Variants in ACER1 observed in about 807,000 individuals in gnomAD.
The protein encoded by ACER1 is alkaline ceramidase 1, also known as CTB-180A7.3.
Under a neutral mutation model 24.9 loss-of-function variants are expected in ACER1, and 28 were observed. The observed-to-expected ratio is 1.13, with a 90% CI of 0.83 to 1.54. The LOEUF (loss-of-function observed/expected upper bound fraction) is 1.54. ACER1 is among the 40% of genes most tolerant of loss of function. The pLI is 0.00. For missense variants in ACER1, 352 were observed against 349.3 expected (o/e 1.01, Z -0.06); for synonymous variants, 132 against 131.4 (o/e 1.00, Z -0.03).
At chr19:6,354,153 G>A in the ACER1 span, among the ~76,000 whole-genome samples, 2 of 151,788 alleles carry the variant, frequency 1.3e-5, no homozygotes, top group Admixed American at 1.3e-4. Flanking sequence ...CTGCACCCCA[G>A]CCTGGACAAC....
chr19:6,350,294 C>T, the ACER1 span, among the ~76,000 whole-genome samples: 1 of 152,018 alleles, frequency 6.6e-6, no homozygotes, highest in South Asian at 2.1e-4. Context: ...GGTGAAACCC[C>T]GTCTCAACTA....
chr19:6,345,181 C>G, the ACER1 span, among the ~76,000 whole-genome samples: 3 of 152,064 alleles, frequency 2.0e-5, no homozygotes, highest in South Asian at 6.2e-4. Context: ...AGGCGTGAGC[C>G]ACCGTGCCCG....
chr19:6,358,263 C>G, the ACER1 span, among the ~76,000 whole-genome samples: 1 of 152,214 alleles, frequency 6.6e-6, no homozygotes, highest in Admixed American at 6.5e-5. Context: ...TGCCGGCTTT[C>G]CACCGTGAGG....
the ACER1 span, among the ~76,000 whole-genome samples, chr19:6,357,976 G>A: frequency 6.6e-6 from 1 of 152,172 alleles, no homozygotes; most frequent in Non-Finnish European, 1.5e-5. Flanking sequence ...GCCATCCCAC[G>A]TCAGAGGCAG....
At chr19:6,335,569 G>A (rs918080060), upstream of ACER1, among the ~76,000 whole-genome samples, 3 of 151,922 alleles carry the variant, frequency 2.0e-5, no homozygotes, top group South Asian at 2.1e-4. Flanking sequence ...TGTGGCTCAC[G>A]CCTGTAATCC....
chr19:6,337,968 C>T (rs565132830), upstream of ACER1, among the ~76,000 whole-genome samples: 9 of 151,608 alleles, frequency 5.9e-5, no homozygotes, highest in African/African-American at 1.2e-4. Context: ...TGAGCCACCG[C>T]GCCCAGCCCC....
At position 6,306,605 on chromosome 19, in the gene ACER1, C is replaced by G. The variant is rs556927753; in HGVS notation, c.*109G>C. 9.3e-5 allele frequency: 125 copies of G among 1,338,780 alleles called. No homozygotes were observed. The African/African-American group carries it at 1.6e-3, about 18-fold the overall frequency. 82.9% of individuals were successfully genotyped at this position (1,338,780 alleles called of 1,614,324 possible). A position where few individuals can be genotyped will look rare whatever the true frequency, so the allele number is the denominator to read the frequency against. ...GACAAGGAGGACACGGAAGGGGAAA[C>G]AGAGGAAGGAACCACGAGTGTCCCG... is the stretch of plus-strand genomic sequence containing the variant. On this transcript the variant is annotated 3_prime_UTR_variant, in exon 6 of 6. Transcript: ENST00000301452.
At chr19:6,337,552 C>CA (rs1333880397), upstream of ACER1, among the ~76,000 whole-genome samples, 1 of 148,754 alleles carries the variant, frequency 6.7e-6, no homozygotes, top group Non-Finnish European at 1.5e-5. Context: ...CTCCCAGGTT[C>CA]AAACGATTCT....
chr19:6,341,150 G>C, the ACER1 span, among the ~76,000 whole-genome samples: 1 of 150,672 alleles, frequency 6.6e-6, no homozygotes, highest in Non-Finnish European at 1.5e-5. Flanking sequence ...GCCCAGGCTG[G>C]AGTGCACTGG....
the ACER1 span, among the ~76,000 whole-genome samples, chr19:6,341,542 AAAAAAGAAAAAG>A: frequency 3.3e-5 from 5 of 151,394 alleles, no homozygotes; most frequent in African/African-American, 1.2e-4. Flanking sequence ...AAAAAAGAAA[AAAAAAGAAAAAG>A]AAAAAGAAAA....
In ACER1 at chr19:6,310,870, T is replaced by C. The variant is rs1436080588; in HGVS notation, c.351-1036A>G. ...TCCAGCCTGGGGGACACAGCGAGAC[T>C]TCATCTAAAAAAAAAAAAAAAAAGA... On this transcript the variant is annotated intron_variant, in intron 3 of 5. Coordinates refer to ENST00000301452, the MANE Select transcript of ACER1 (RefSeq NM_133492.3). 1.5e-5 allele frequency among the ~76,000 whole-genome samples: 2 copies of C among 133,528 alleles called. 1 individual carries two copies. The allele number at this position is 133,528 out of a possible 152,430, so 87.6% of individuals were successfully genotyped here.
chr19:6,358,298 A>G, the ACER1 span, among the ~76,000 whole-genome samples: 1 of 151,736 alleles, frequency 6.6e-6, no homozygotes, highest in Admixed American at 6.6e-5. Flanking sequence ...GCTGGCTGCC[A>G]TGTGGGCTTT....
chr19:6,354,829 G>A, the ACER1 span, among the ~76,000 whole-genome samples: 10 of 151,428 alleles, frequency 6.6e-5, no homozygotes, highest in Non-Finnish European at 1.2e-4. Flanking sequence ...CTTTCCCCAC[G>A]GTCTCCCTCT....
intron 1 of ACER1, among the ~76,000 whole-genome samples, chr19:6,329,048 T>C: frequency 6.6e-6 from 1 of 151,848 alleles, no homozygotes; most frequent in East Asian, 1.9e-4. Flanking sequence ...CTTTGAAGGC[T>C]GGGGCAGGAG....
chr19:6,310,273 GA>G (rs200949891), intron 3 of ACER1, among the ~76,000 whole-genome samples: 1,693 of 151,204 alleles, frequency 0.011, 38 homozygotes, highest in African/African-American at 0.038. Flanking sequence ...ATTTTTACTA[GA>G]GACGGGGTTT....
chr19:6,309,897 C>T, intron 3 of ACER1, 63 bp from the exon 4 acceptor site: 1 of 1,598,262 alleles, frequency 6.3e-7, no homozygotes, highest in Non-Finnish European at 8.5e-7. Context: ...GGCATGGTCA[C>T]TTGGAGATCC....
intron 1 of ACER1, among the ~76,000 whole-genome samples, chr19:6,325,762 A>G (rs2091658062): frequency 6.6e-6 from 1 of 152,062 alleles, no homozygotes; most frequent in Admixed American, 6.6e-5. Flanking sequence ...CTGGGGGCTG[A>G]GACGGGAGGA....
intron 3 of ACER1, among the ~76,000 whole-genome samples, chr19:6,310,881 A>G (rs996627373): frequency 5.3e-5 from 8 of 151,430 alleles, no homozygotes; most frequent in Non-Finnish European, 2.9e-5. Flanking sequence ...TCATCTAAAA[A>G]AAAAAAAAAA....
At chr19:6,341,645 A>C in the ACER1 span, among the ~76,000 whole-genome samples, 1 of 142,866 alleles carries the variant, frequency 7.0e-6, no homozygotes, top group African/African-American at 2.7e-5. Flanking sequence ...TTTTGTTTTG[A>C]GATGGAGTCT....
Sources: allele counts gnomAD v4.1 joint callset (sites outside exome capture counted in the v4.1 genomes callset), GRCh38; gene constraint gnomAD v4.1.1; transcripts MANE v1.5; gene names NCBI Gene and HGNC (gene_info 2026-07-23, HGNC 2026-07-21).